MME: variants seen among roughly 807,000 people sequenced by gnomAD.
The protein encoded by MME is membrane metalloendopeptidase, also known as neprilysin.
A neutral mutation model predicts 113.2 loss-of-function variants in MME; 98 were observed. The observed-to-expected ratio is 0.87, with a 90% CI of 0.74 to 1.02. The LOEUF is 1.02. MME is among the 50% of genes least tolerant of loss of function. MME has a pLI of 0.00. For synonymous variants in MME, 292 were observed against 300.6 expected, an observed-to-expected ratio of 0.97 and a Z score of 0.30; for missense variants, 836 against 896.0, an observed-to-expected ratio of 0.93 and a Z score of 0.86.
intron 3 of MME, among the ~76,000 whole-genome samples, chr3:155,092,367 T>A (rs560010932): frequency 1.3e-4 from 20 of 152,258 alleles, no homozygotes; most frequent in Non-Finnish European, 2.8e-4. Flanking sequence ...TGAACCATCA[T>A]ACATTAATGG....
chr3:155,177,541 T>A (rs1234952090), intron 22 of MME, among the ~76,000 whole-genome samples: 1 of 152,158 alleles, frequency 6.6e-6, no homozygotes, highest in Non-Finnish European at 1.5e-5. Flanking sequence ...TTTTGGCTCA[T>A]GAACAATGGA....
In MME at chr3:155,177,810, G is replaced by A. The variant is rs192900906; in HGVS notation, c.2154-2550G>A. ...CATTTACTTTCAGTGGTTTTTCAACGTACTCTTTCAGGGTTATTCAGGAAT... is the reference window on the plus strand; with the variant it reads ...CATTTACTTTCAGTGGTTTTTCAACATACTCTTTCAGGGTTATTCAGGAAT... On this transcript the variant is annotated intron_variant, in intron 22 of 22. Coordinates refer to ENST00000360490, the MANE Select transcript of MME (RefSeq NM_007289.4). Among the ~76,000 whole-genome samples, 9 of 152,208 alleles carry A rather than the reference G, an allele frequency of 5.9e-5. No individual in the cohort carries two copies. In the East Asian group the frequency reaches 1.5e-3, roughly 26 times the overall value.
At position 155,060,723 on chromosome 3, in the gene MME, T is replaced by G. The variant is rs565423432; in HGVS notation, c.-10-23435T>G. 2.0e-5 allele frequency among the ~76,000 whole-genome samples: 3 copies of G among 150,956 alleles called. No individual in the cohort carries two copies. The East Asian group carries it at 5.8e-4, about 29-fold the overall frequency. ...ACGTGTTTCTCACAGTTCTGGAGGG[T>G]GGAAGTCTGTAATCACAGTGCCAGC... On this transcript the variant is annotated intron_variant, in intron 1 of 22. Transcript: ENST00000492661.
At chr3:155,128,196 C>G (rs1719842310) in intron 8 of MME, among the ~76,000 whole-genome samples, 3 of 152,150 alleles carry the variant, frequency 2.0e-5, no homozygotes, top group Admixed American at 2.0e-4. Flanking sequence ...TTTCTGCACC[C>G]TCTCCCTTTT....
intron 17 of MME, 102 bp from the exon 18 acceptor site, chr3:155,166,800 G>A: frequency 1.4e-6 from 2 of 1,454,930 alleles, no homozygotes; most frequent in South Asian, 1.1e-5. Flanking sequence ...GCATGCGCCT[G>A]TAGTCCCAGC....
intron 1 of MME, among the ~76,000 whole-genome samples, chr3:155,064,771 C>G (rs1253565158): frequency 6.6e-6 from 1 of 152,204 alleles, no homozygotes; most frequent in Non-Finnish European, 1.5e-5. Context: ...TATTGCCTCA[C>G]CAGTCCGGAG....
intron 10 of MME, among the ~76,000 whole-genome samples, chr3:155,140,865 A>T (rs1721031126): frequency 2.0e-5 from 3 of 152,210 alleles, no homozygotes; most frequent in Admixed American, 6.5e-5. Flanking sequence ...TTTTAACTCC[A>T]AAAAAGGATA....
chr3:155,144,456 A>C lies in MME; in HGVS notation c.1415A>C (p.Lys472Thr). The change falls in exon 14 of 23, where the codon AAG (lysine) becomes ACG (threonine). Residue 472 changes from lysine (K) to threonine (T), a missense_variant and splice_region_variant. Transcript: ENST00000360490. ...DAETKKRAEE[K>T]ALAIKERIGY... ...GAGACAAAAAAGAGAGCTGAAGAAA[A>C]GGTAAAGAGCAGACAGCTAACTAGC... 1 of 1,602,508 alleles carries C rather than the reference A, an allele frequency of 6.2e-7. No individual in the cohort carries two copies.
chr3:155,145,347 T>C (rs1224943967), intron 14 of MME, among the ~76,000 whole-genome samples: 1 of 152,248 alleles, frequency 6.6e-6, no homozygotes, highest in Non-Finnish European at 1.5e-5. Flanking sequence ...AGGCTCATGG[T>C]CAAAAGAGTT....
chr3:155,152,634 A>G (rs1486339100), intron 16 of MME, among the ~76,000 whole-genome samples: 1 of 152,148 alleles, frequency 6.6e-6, no homozygotes, highest in Non-Finnish European at 1.5e-5. Flanking sequence ...TGAGGTCAGG[A>G]GTTTGAGACC....
upstream of MME, chr3:155,079,810 C>A (rs903048182): frequency 6.6e-6 from 1 of 152,502 alleles, no homozygotes; most frequent in African/African-American, 2.4e-5. Flanking sequence ...CGTCGCCCCA[C>A]GGCCCGGGCG....
intron 1 of MME, among the ~76,000 whole-genome samples, chr3:155,037,362 C>A (rs779826897): frequency 2.0e-5 from 3 of 152,138 alleles, no homozygotes; most frequent in Non-Finnish European, 4.4e-5. Context: ...ATTATCCTCA[C>A]TTTAGAGGAG....
At chr3:155,143,755 T>A (rs1721302987) in intron 13 of MME, among the ~76,000 whole-genome samples, 184 bp downstream of exon 13, 1 of 152,176 alleles carries the variant, frequency 6.6e-6, no homozygotes, top group Non-Finnish European at 1.5e-5. Context: ...AGAGTCTAGT[T>A]ATGTTTCTGC....
chr3:155,098,192 A>T (rs1300072416), intron 3 of MME, among the ~76,000 whole-genome samples: 2 of 152,152 alleles, frequency 1.3e-5, no homozygotes, highest in African/African-American at 4.8e-5. Context: ...CTTTGGTGAG[A>T]TGATGGTTTC....
rs145161185 is a variant in MME, at chr3:155,051,862, G to A, written c.-11+27538G>A. Reference sequence around the variant, plus strand: ...AGCATTAACTCAAAAGTCCTAGTCTGAAGTCTTATCTGAGACAAGGCAAGT... The same window carrying A: ...AGCATTAACTCAAAAGTCCTAGTCTAAAGTCTTATCTGAGACAAGGCAAGT... On this transcript the variant is annotated intron_variant, in intron 1 of 22. Transcript: ENST00000492661. 4.4e-3 allele frequency among the ~76,000 whole-genome samples: 666 copies of A among 152,158 alleles called. 5 individuals are homozygous for A. The highest frequency in any genetic ancestry group is 0.015 in the East Asian group (80 of 5,170).
In MME at chr3:155,080,326, C is replaced by A. The variant is rs975771767; in HGVS notation, c.-151C>A. On this transcript the variant is annotated 5_prime_UTR_variant, in exon 1 of 23. Transcript: ENST00000360490. ...CTCTTCAGGTTCATTTCCATAGTTC[C>A]CTGCGGCCTCTGCCTTGGGGAGTTA... 1 of 152,246 alleles carries A rather than the reference C, an allele frequency of 6.6e-6. No individual in the cohort carries two copies. The highest frequency in any genetic ancestry group is 2.4e-5 in the African/African-American group (1 of 41,426). 9.4% of individuals were successfully genotyped at this position (152,246 alleles called of 1,614,324 possible). A position where few individuals can be genotyped will look rare whatever the true frequency, so the allele number is the denominator to read the frequency against.
chr3:155,156,625 T>A (rs1190494567), intron 16 of MME, among the ~76,000 whole-genome samples: 1 of 152,122 alleles, frequency 6.6e-6, no homozygotes, highest in Non-Finnish European at 1.5e-5. Flanking sequence ...GAAAGATGAA[T>A]AAAAGTATAC....
intron 1 of MME, among the ~76,000 whole-genome samples, chr3:155,025,689 C>CTTTTTT (rs775452382): frequency 9.2e-5 from 10 of 109,050 alleles, no homozygotes; most frequent in Non-Finnish European, 1.3e-4. Context: ...TTCTTTCTTT[C>CTTTTTT]TTTTTTTTTT....
intron 8 of MME, among the ~76,000 whole-genome samples, chr3:155,129,822 C>T (rs186467437): frequency 7.3e-4 from 111 of 152,300 alleles, no homozygotes; most frequent in African/African-American, 2.3e-3. Context: ...GAAAACAATA[C>T]GAAAGATACA....
Sources: allele counts gnomAD v4.1 joint callset (sites outside exome capture counted in the v4.1 genomes callset), GRCh38; gene constraint gnomAD v4.1.1; transcripts MANE v1.5; gene names NCBI Gene and HGNC (gene_info 2026-07-23, HGNC 2026-07-21).